Variants in SRD5A2 observed in about 807,000 individuals in gnomAD.
The protein encoded by SRD5A2 is 3-oxo-5-alpha-steroid 4-dehydrogenase 2.
SRD5A2 carries 30 observed loss-of-function variants against 27.4 expected under a neutral mutation model. The observed-to-expected ratio is 1.10, with a 90% CI of 0.82 to 1.49. SRD5A2 has a LOEUF of 1.49. Ranked by LOEUF, SRD5A2 falls within the 40% of genes most tolerant of loss-of-function variation. The pLI is 0.00. For missense variants in SRD5A2, 348 were observed against 323.4 expected (o/e 1.08, Z -0.58); for synonymous variants, 141 against 133.6 (o/e 1.06, Z -0.38).
chr2:31,636,688 G>A, the SRD5A2 span, among the ~76,000 whole-genome samples: 5 of 152,040 alleles, frequency 3.3e-5, no homozygotes, highest in African/African-American at 1.2e-4. Context: ...ATAAAGGGGT[G>A]CCGAATTTTA....
chr2:31,597,774 T>C, the SRD5A2 span, among the ~76,000 whole-genome samples: 3 of 152,022 alleles, frequency 2.0e-5, no homozygotes, highest in Non-Finnish European at 2.9e-5. Flanking sequence ...TCCAGCAAGA[T>C]TGGCCATAAT....
At chr2:31,627,280 G>A in the SRD5A2 span, among the ~76,000 whole-genome samples, 1 of 151,978 alleles carries the variant, frequency 6.6e-6, no homozygotes, top group Non-Finnish European at 1.5e-5. Context: ...GTCTGAGGGT[G>A]TTTTGTATTT....
intron 1 of SRD5A2, among the ~76,000 whole-genome samples, chr2:31,550,086 T>C (rs1294476043): frequency 2.6e-5 from 4 of 152,016 alleles, no homozygotes; most frequent in South Asian, 2.1e-4. Context: ...TCAGACATAA[T>C]AATAACAAGA....
intron 1 of SRD5A2, among the ~76,000 whole-genome samples, chr2:31,547,566 G>A (rs971960428): frequency 2.0e-5 from 3 of 152,184 alleles, no homozygotes; most frequent in Admixed American, 2.0e-4. Context: ...GTGTACATGG[G>A]CTATATACCA....
chr2:31,598,990 C>A, the SRD5A2 span, among the ~76,000 whole-genome samples: 2 of 151,894 alleles, frequency 1.3e-5, no homozygotes, highest in African/African-American at 4.8e-5. Flanking sequence ...TATTCCATGC[C>A]AATGGAAACC....
chr2:31,642,622 T>A, the SRD5A2 span, among the ~76,000 whole-genome samples: 1 of 151,836 alleles, frequency 6.6e-6, no homozygotes, highest in Non-Finnish European at 1.5e-5. Context: ...TTTTATAAAG[T>A]TAAAATACAC....
the SRD5A2 span, among the ~76,000 whole-genome samples, chr2:31,654,014 T>C: frequency 2.0e-5 from 3 of 151,300 alleles, no homozygotes; most frequent in African/African-American, 2.4e-5. Flanking sequence ...AGAATATGTA[T>C]AGGGGTTGCC....
chr2:31,629,336 C>A, the SRD5A2 span, among the ~76,000 whole-genome samples: 2 of 152,298 alleles, frequency 1.3e-5, no homozygotes, highest in African/African-American at 2.4e-5. Context: ...AAGCGGCCCA[C>A]CACCATCTTG....
chr2:31,541,713 C>A (rs1303422677), intron 1 of SRD5A2, among the ~76,000 whole-genome samples: 1 of 152,144 alleles, frequency 6.6e-6, no homozygotes, highest in Non-Finnish European at 1.5e-5. Context: ...GCCAATGATG[C>A]CCCTCCCCTA....
intron 1 of SRD5A2, among the ~76,000 whole-genome samples, chr2:31,559,879 C>A (rs1286008518): frequency 1.4e-5 from 2 of 146,804 alleles, no homozygotes; most frequent in Admixed American, 6.9e-5. Flanking sequence ...CACACACACA[C>A]AAAGCCATAC....
chr2:31,595,061 G>A, the SRD5A2 span, among the ~76,000 whole-genome samples: 1 of 152,046 alleles, frequency 6.6e-6, no homozygotes, highest in African/African-American at 2.4e-5. Flanking sequence ...AGCAAAAGCA[G>A]TACTAAGAGG....
At chr2:31,591,792 A>G in the SRD5A2 span, among the ~76,000 whole-genome samples, 2 of 68,896 alleles carry the variant, frequency 2.9e-5, no homozygotes, top group Non-Finnish European at 5.4e-5. Flanking sequence ...TTGTNAGGNC[A>G]TGGATGAAGC....
In SRD5A2 at chr2:31,526,032, C is replaced by G. The variant is rs184139426; in HGVS notation, c.*164G>C. 9.1e-6 allele frequency: 5 copies of G among 550,640 alleles called. No individual in the cohort carries two copies. Among genetic ancestry groups the G allele is most frequent in the African/African-American group, 7.8e-5 (4 of 51,142 alleles). The allele number at this position is 550,640 out of a possible 1,614,324, so 34.1% of individuals were successfully genotyped here. On this transcript the variant is annotated 3_prime_UTR_variant, in exon 5 of 5. Coordinates refer to ENST00000622030, the MANE Select transcript of SRD5A2 (RefSeq NM_000348.4). ...GGGTCCCTGGAAGGGTAGGAGTAAA[C>G]TCTAAGCAGACACCACTCAGAATCC...
At chr2:31,630,165 A>G in the SRD5A2 span, among the ~76,000 whole-genome samples, 1 of 152,212 alleles carries the variant, frequency 6.6e-6, no homozygotes, top group Non-Finnish European at 1.5e-5. Flanking sequence ...TCTGCAATAC[A>G]ATCTCCAAGC....
At chr2:31,579,867 C>G (rs556011524) in intron 1 of SRD5A2, among the ~76,000 whole-genome samples, 1 of 152,308 alleles carries the variant, frequency 6.6e-6, no homozygotes, top group East Asian at 1.9e-4. Context: ...TTCTCCTGAA[C>G]CCGGATTTTT....
chr2:31,602,387 A>G, the SRD5A2 span, among the ~76,000 whole-genome samples: 6 of 152,214 alleles, frequency 3.9e-5, no homozygotes, highest in African/African-American at 1.4e-4. Context: ...ATTACCAACC[A>G]CTGCTCAAAG....
At chr2:31,571,796 T>C (rs1314445383) in intron 1 of SRD5A2, among the ~76,000 whole-genome samples, 1 of 152,070 alleles carries the variant, frequency 6.6e-6, no homozygotes, top group Non-Finnish European at 1.5e-5. Flanking sequence ...ATTAGAGAAA[T>C]GCAAATCAAA....
At chr2:31,657,609 C>T in the SRD5A2 span, among the ~76,000 whole-genome samples, 4 of 151,834 alleles carry the variant, frequency 2.6e-5, no homozygotes, top group African/African-American at 9.7e-5. Context: ...TACCACAACC[C>T]GAATAATAAA....
At chr2:31,560,096 G>A (rs1666590482) in intron 1 of SRD5A2, among the ~76,000 whole-genome samples, 1 of 142,774 alleles carries the variant, frequency 7.0e-6, no homozygotes, top group African/African-American at 2.6e-5. Flanking sequence ...TGACCATTGG[G>A]AATCAAGTAT....
Sources: gnomAD v4.1 joint callset for allele counts (sites outside exome capture counted in the v4.1 genomes callset) on GRCh38, gnomAD v4.1.1 for gene constraint, MANE v1.5 for transcripts, NCBI Gene and HGNC (gene_info 2026-07-23, HGNC 2026-07-21) for gene names.